FRYL: variants seen among roughly 807,000 people sequenced by gnomAD.
FRYL encodes the protein protein furry homolog-like.
FRYL carries 150 observed loss-of-function variants against 351.2 expected under a neutral mutation model. That is an observed-to-expected ratio of 0.43 (90% CI 0.37 to 0.49). The LOEUF (loss-of-function observed/expected upper bound fraction) is 0.49, where lower values mean the gene tolerates loss of function less well. FRYL is among the 20% of genes least tolerant of loss of function. FRYL has a pLI of 0.00. For synonymous variants in FRYL, 1,153 were observed against 1,257.1 expected, an observed-to-expected ratio of 0.92 and a Z score of 1.75; for missense variants, 3,036 against 3,619.3, an observed-to-expected ratio of 0.84 and a Z score of 4.13.
At chr4:48,550,351 A>C (rs1241318196) in intron 38 of FRYL, among the ~76,000 whole-genome samples, 3 of 152,228 alleles carry the variant, frequency 2.0e-5, no homozygotes, top group Non-Finnish European at 4.4e-5. Context: ...ATGCTTCCTG[A>C]GAACCAGTTC....
At chr4:48,601,982 G>C (rs1745808633) in intron 13 of FRYL, 38 bp downstream of exon 13, 1 of 1,160,850 alleles carries the variant, frequency 8.6e-7, no homozygotes, top group African/African-American at 1.5e-5. Context: ...AAATATACCA[G>C]TCAGTATTTA....
chr4:48,630,930 C>A (rs747651792), intron 4 of FRYL, among the ~76,000 whole-genome samples: 5 of 152,100 alleles, frequency 3.3e-5, no homozygotes, highest in Non-Finnish European at 5.9e-5. Context: ...CCCAGAGAGT[C>A]ATCTTAGATG....
chr4:48,730,962 T>C (rs541470024), intron 1 of FRYL, among the ~76,000 whole-genome samples: 58 of 152,132 alleles, frequency 3.8e-4, no homozygotes, highest in African/African-American at 1.3e-3. Flanking sequence ...GTGTGCTATA[T>C]TGAAGAGAAC....
At chr4:48,615,292 G>A (rs933592814) in intron 7 of FRYL, among the ~76,000 whole-genome samples, 1 of 152,078 alleles carries the variant, frequency 6.6e-6, no homozygotes, top group Non-Finnish European at 1.5e-5. Context: ...GTGGACCTTT[G>A]GGACTGCTCA....
At chr4:48,678,303 G>A (rs1466624603) in intron 3 of FRYL, among the ~76,000 whole-genome samples, 1 of 151,734 alleles carries the variant, frequency 6.6e-6, no homozygotes, top group East Asian at 1.9e-4. Flanking sequence ...AACTCTAGAT[G>A]GATTAAAGAC....
chr4:48,578,142 A>T (rs990609438), intron 23 of FRYL, among the ~76,000 whole-genome samples: 1 of 152,158 alleles, frequency 6.6e-6, no homozygotes, highest in African/African-American at 2.4e-5. Context: ...AAGCTCACAA[A>T]ATGGAAACTA....
At chr4:48,753,375 T>C (rs935400316) in intron 1 of FRYL, among the ~76,000 whole-genome samples, 8 of 152,144 alleles carry the variant, frequency 5.3e-5, no homozygotes, top group Admixed American at 1.3e-4. Context: ...TCAATTTGAG[T>C]CCCTTCACAA....
intron 7 of FRYL, among the ~76,000 whole-genome samples, chr4:48,614,976 G>A (rs1395498113): frequency 2.0e-5 from 3 of 151,456 alleles, no homozygotes; most frequent in South Asian, 2.1e-4. Flanking sequence ...ACAGGCGCCC[G>A]CCAACACGCC....
intron 2 of FRYL, among the ~76,000 whole-genome samples, chr4:48,696,251 A>T (rs1289380515): frequency 6.6e-6 from 1 of 152,222 alleles, no homozygotes; most frequent in Non-Finnish European, 1.5e-5. Flanking sequence ...AGCACTATTT[A>T]CAATAGCAAA....
chr4:48,760,782 T>G (rs183341445), intron 1 of FRYL, among the ~76,000 whole-genome samples: 1 of 152,192 alleles, frequency 6.6e-6, no homozygotes. Context: ...ATTCAAGTGA[T>G]TCTTATGCCT....
chr4:48,779,005 A>C (rs201158070), intron 1 of FRYL, among the ~76,000 whole-genome samples: 15 of 151,336 alleles, frequency 9.9e-5, no homozygotes, highest in Admixed American at 1.3e-4. Flanking sequence ...CCTAACCCCC[A>C]CCCCCTTTTT....
chr4:48,560,352 TG>T (rs2149047555), intron 33 of FRYL, among the ~76,000 whole-genome samples: 1 of 152,356 alleles, frequency 6.6e-6, no homozygotes, highest in South Asian at 2.1e-4. Context: ...GAGGCTGTTT[TG>T]GTTTAGAATG....
chr4:48,763,923 C>G (rs1424941734), intron 1 of FRYL, among the ~76,000 whole-genome samples: 1 of 152,076 alleles, frequency 6.6e-6, no homozygotes, highest in Middle Eastern at 3.2e-3. Context: ...AATCCCAGCA[C>G]TTCGGGAGTA....
At chr4:48,524,182 T>C (rs1350179701) in intron 53 of FRYL, among the ~76,000 whole-genome samples, 2 of 146,980 alleles carry the variant, frequency 1.4e-5, no homozygotes, top group Non-Finnish European at 3.0e-5. Context: ...TTTCAAATCT[T>C]TTTTTTTTTT....
At position 48,623,173 on chromosome 4, in the gene FRYL, G is replaced by T. The variant is rs747173695; in HGVS notation, c.127C>A (p.Leu43Ile). 2.0e-6 allele frequency: 3 copies of T among 1,501,404 alleles called. No individual in the cohort carries two copies. Among genetic ancestry groups the T allele is most frequent in the Non-Finnish European group, 2.7e-6 (3 of 1,107,694 alleles). The allele number at this position is 1,501,404 out of a possible 1,614,324, so 93.0% of individuals were successfully genotyped here. A position where few individuals can be genotyped will look rare whatever the true frequency, so the allele number is the denominator to read the frequency against. ...CCCCTCTGAAGAGATCTGGACAATA[G>T]CTTCTCCTATGATTAAAAAAAACAA... ...EVVMAEPLEK[L>I]LSRSLQRGED... The change falls in exon 5 of 64, where the codon CTA (leucine) becomes ATA (isoleucine). Residue 43 changes from leucine (L) to isoleucine (I), a missense_variant. Coordinates refer to ENST00000358350, the MANE Select transcript of FRYL (RefSeq NM_015030.2).
At chr4:48,554,629 G>A (rs1733674413) in intron 35 of FRYL, among the ~76,000 whole-genome samples, 1 of 152,200 alleles carries the variant, frequency 6.6e-6, no homozygotes, top group African/African-American at 2.4e-5. Flanking sequence ...GTGAGCCACA[G>A]CACCAGGCCA....
intron 1 of FRYL, among the ~76,000 whole-genome samples, chr4:48,723,137 T>G (rs967289873): frequency 6.6e-6 from 1 of 152,056 alleles, no homozygotes; most frequent in African/African-American, 2.4e-5. Flanking sequence ...ACAGGTTTTT[T>G]TTTGTTTGTT....
chr4:48,635,292 A>T (rs1754000335), intron 3 of FRYL, among the ~76,000 whole-genome samples: 1 of 152,196 alleles, frequency 6.6e-6, no homozygotes, highest in Non-Finnish European at 1.5e-5. Context: ...GTACCTCTGG[A>T]GAATGGATTG....
intron 3 of FRYL, among the ~76,000 whole-genome samples, chr4:48,669,235 T>C (rs1032994353): frequency 3.3e-5 from 5 of 152,194 alleles, no homozygotes; most frequent in African/African-American, 4.8e-5. Flanking sequence ...TAAGCAGCTG[T>C]GATCATCAAA....
Sources: allele counts gnomAD v4.1 joint callset (sites outside exome capture counted in the v4.1 genomes callset), GRCh38; gene constraint gnomAD v4.1.1; transcripts MANE v1.5; gene names NCBI Gene and HGNC (gene_info 2026-07-23, HGNC 2026-07-21).